Variants in CYP20A1 observed in about 807,000 individuals in gnomAD.
CYP20A1 encodes the protein cytochrome P450 family 20 subfamily A member 1, also known as cytochrome P450 20A1.
Under a neutral mutation model 61.4 loss-of-function variants are expected in CYP20A1, and 61 were observed. The ratio of observed to expected loss-of-function variants is 0.99; its 90% CI spans 0.81 to 1.23. The LOEUF (loss-of-function observed/expected upper bound fraction) is 1.23. Ranked by LOEUF, CYP20A1 falls within the 50% of genes most tolerant of loss-of-function variation. CYP20A1 has a pLI of 0.00. For synonymous variants in CYP20A1, 193 were observed against 188.2 expected (o/e 1.03, Z -0.21); for missense variants, 530 against 542.4 (o/e 0.98, Z 0.23).
Position 203,251,793 on chromosome 2 carries a change from G to GTGTATATATATATA in CYP20A1, c.290-173_290-172insGTATATATATATAT, listed in dbSNP as rs1553513992. Among the ~76,000 whole-genome samples, 5 of 64,216 alleles carry GTGTATATATATATA rather than the reference G, an allele frequency of 7.8e-5. No individual in the cohort carries two copies. In the East Asian group the frequency reaches 1.7e-3, roughly 22 times the overall value. 42.1% of individuals were successfully genotyped at this position (64,216 alleles called of 152,430 possible). On this transcript the variant is annotated intron_variant, in intron 3 of 12. Coordinates refer to ENST00000356079, the MANE Select transcript of CYP20A1 (RefSeq NM_177538.3). ...TCAAAAGAAAACTATATATATATGT[G>GTGTATATATATATA]TATATATATATATATATATATATAA...
intron 1 of CYP20A1, among the ~76,000 whole-genome samples, chr2:203,244,493 C>G (rs1166422957): frequency 6.6e-6 from 1 of 151,890 alleles, no homozygotes; most frequent in East Asian, 1.9e-4. Flanking sequence ...GCCACTGCGC[C>G]CGGCCCAGCA....
chr2:203,271,857 T>G (rs1003240142), intron 5 of CYP20A1, among the ~76,000 whole-genome samples: 1 of 152,076 alleles, frequency 6.6e-6, no homozygotes, highest in Non-Finnish European at 1.5e-5. Context: ...AAACCCCATC[T>G]CTACTAAAAA....
intron 9 of CYP20A1, among the ~76,000 whole-genome samples, chr2:203,287,432 G>T (rs971233647): frequency 6.6e-6 from 1 of 152,056 alleles, no homozygotes; most frequent in Admixed American, 6.6e-5. Flanking sequence ...TGGGCTAGGC[G>T]CAGTGACTCA....
At chr2:203,260,523 G>A (rs1198327338) in intron 4 of CYP20A1, among the ~76,000 whole-genome samples, 1 of 151,736 alleles carries the variant, frequency 6.6e-6, no homozygotes, top group Non-Finnish European at 1.5e-5. Flanking sequence ...CGTCTGGCCT[G>A]TTTTTAATTT....
At position 203,303,949 on chromosome 2, in the gene CYP20A1, G is replaced by A. The variant is rs570565451; in HGVS notation, c.*7041G>A. On this transcript the variant is annotated 3_prime_UTR_variant, in exon 13 of 13. Transcript: ENST00000356079. ...TTTAAAGAAATTTTTGGCTGGTGCCGTGGCTCACACCTGTAATCCCAGCAC... is the reference window on the plus strand; with the variant it reads ...TTTAAAGAAATTTTTGGCTGGTGCCATGGCTCACACCTGTAATCCCAGCAC... 4.0e-5 allele frequency among the ~76,000 whole-genome samples: 6 copies of A among 151,512 alleles called. No homozygotes were observed. The highest frequency in any genetic ancestry group is 7.4e-5 in the Non-Finnish European group (5 of 67,930).
chr2:203,277,597 C>T (rs1378325859), intron 6 of CYP20A1, among the ~76,000 whole-genome samples: 1 of 151,960 alleles, frequency 6.6e-6, no homozygotes, highest in Non-Finnish European at 1.5e-5. Flanking sequence ...CTCACTGCAA[C>T]CTCTGCTGCC....
At chr2:203,273,377 G>T (rs187524205) in intron 6 of CYP20A1, among the ~76,000 whole-genome samples, 1 of 152,256 alleles carries the variant, frequency 6.6e-6, no homozygotes, top group African/African-American at 2.4e-5. Context: ...GAAATTATAT[G>T]AAAGAAGACA....
At position 203,296,851 on chromosome 2, in the gene CYP20A1, T is replaced by G; in HGVS notation, c.1332T>G (p.Tyr444Ter). Residue 444 changes from tyrosine to a stop codon, truncating the protein, a stop_gained, in exon 13 of 13, where the codon TAT (tyrosine) becomes TAG (stop). Transcript: ENST00000356079. LOFTEE classifies it high-confidence loss of function. ...AGGGACAGGTTATTGAAACAAAGTA[T>G]GAACTGGTAACATCATCAAGGGAAG... ...SVEGQVIETKYELVTSSREEA... is the reference protein window; with the variant it reads ...SVEGQVIETK 6.2e-7 allele frequency: 1 copy of G among 1,610,778 alleles called. No homozygotes were observed. The highest frequency in any genetic ancestry group is 8.5e-7 in the Non-Finnish European group (1 of 1,178,826).
intron 4 of CYP20A1, 77 bp from the exon 5 acceptor site, chr2:203,266,437 A>G (rs1180301893): frequency 1.1e-5 from 14 of 1,327,548 alleles, no homozygotes; most frequent in Non-Finnish European, 1.4e-5. Flanking sequence ...TTGCCATTAA[A>G]TGAATCTACT....
rs892873899 is a variant in CYP20A1, at chr2:203,239,314, A to G, written c.72+180A>G. ...GAGTCACGTGACGCCCCTCCCGGCA[A>G]GCTCTGAGAGCGACGTGGGCTGCGT... On this transcript the variant is annotated intron_variant, in intron 1 of 12. Transcript: ENST00000356079. Among the ~76,000 whole-genome samples, 3 of 152,006 alleles carry G rather than the reference A, an allele frequency of 2.0e-5. No homozygotes were observed. In the East Asian group the frequency reaches 5.8e-4, roughly 30 times the overall value.
At chr2:203,251,587 T>C (rs944468087) in intron 3 of CYP20A1, among the ~76,000 whole-genome samples, 1 of 150,582 alleles carries the variant, frequency 6.6e-6, no homozygotes, top group Non-Finnish European at 1.5e-5. Context: ...CTGGCCAACA[T>C]GTTGAAACCC....
At chr2:203,245,925 G>T (rs927537274) in intron 2 of CYP20A1, 30 bp downstream of exon 2, 9 of 1,389,068 alleles carry the variant, frequency 6.5e-6, no homozygotes, top group Non-Finnish European at 8.1e-6. Context: ...GAATTAAGTA[G>T]AGTTAATTCT....
chr2:203,289,810 G>A lies in CYP20A1; in HGVS notation c.1017G>A (p.Leu339=), dbSNP rs2068454746. ...VLCETVRTAK[L]TPVSAQLQDI... ...GTGAAACTGTTCGAACTGCCAAACT[G>A]ACTCCAGTTTCTGCCCAGCTTCAAG... is the stretch of plus-strand genomic sequence containing the variant. Residue 339 remains leucine (L), a synonymous_variant, in exon 10 of 13, where the codon CTG becomes CTA. Coordinates refer to ENST00000356079, the MANE Select transcript of CYP20A1 (RefSeq NM_177538.3). 1 of 1,601,094 alleles carries A rather than the reference G, an allele frequency of 6.2e-7. No homozygotes were observed. The highest frequency in any genetic ancestry group is 8.5e-7 in the Non-Finnish European group (1 of 1,173,202).
At chr2:203,291,700 T>C (rs562617958) in intron 10 of CYP20A1, among the ~76,000 whole-genome samples, 2 of 152,236 alleles carry the variant, frequency 1.3e-5, no homozygotes, top group Admixed American at 1.3e-4. Flanking sequence ...TTTTATACTT[T>C]AAGTTTTAGG....
Position 203,265,979 on chromosome 2 carries a change from C to T in CYP20A1, c.433-535C>T, listed in dbSNP as rs1244049531. ...TGCTAGGATTACAGGTATGAACCAC[C>T]GTGCCCGGCCTAAAGCTTGTTTGTA... On this transcript the variant is annotated intron_variant, in intron 4 of 12. Coordinates refer to ENST00000356079, the MANE Select transcript of CYP20A1 (RefSeq NM_177538.3). 2.6e-5 allele frequency among the ~76,000 whole-genome samples: 4 copies of T among 152,262 alleles called. No homozygotes were observed. The South Asian group carries it at 6.2e-4, about 24-fold the overall frequency.
intron 4 of CYP20A1, among the ~76,000 whole-genome samples, chr2:203,258,207 T>C (rs1189387928): frequency 6.6e-6 from 1 of 152,198 alleles, no homozygotes; most frequent in East Asian, 1.9e-4. Flanking sequence ...CTCAGGCCTT[T>C]ACAGTATCCA....
At chr2:203,266,729 C>G in intron 5 of CYP20A1, 48 bp downstream of exon 5, 1 of 1,499,880 alleles carries the variant, frequency 6.7e-7, no homozygotes, top group Non-Finnish European at 9.3e-7. Context: ...CTGGGCACGG[C>G]AGCTCACACC....
At chr2:203,240,335 T>A (rs1201185952) in intron 1 of CYP20A1, among the ~76,000 whole-genome samples, 1 of 152,234 alleles carries the variant, frequency 6.6e-6, no homozygotes, top group East Asian at 1.9e-4. Flanking sequence ...TTGGTGATTT[T>A]AAAATGATAC....
At chr2:203,296,082 G>A (rs2152115565) in intron 11 of CYP20A1, among the ~76,000 whole-genome samples, 1 of 152,266 alleles carries the variant, frequency 6.6e-6, no homozygotes, top group East Asian at 1.9e-4. Flanking sequence ...GGGCAACCTA[G>A]GGAGAACCTG....
Sources: gnomAD v4.1 joint callset for allele counts (sites outside exome capture counted in the v4.1 genomes callset) on GRCh38, gnomAD v4.1.1 for gene constraint, MANE v1.5 for transcripts, NCBI Gene and HGNC (gene_info 2026-07-23, HGNC 2026-07-21) for gene names.